NME7: variants seen among roughly 807,000 people sequenced by gnomAD.
NME7 encodes NME/NM23 family member 7.
A neutral mutation model predicts 49.1 loss-of-function variants in NME7; 41 were observed. That is an observed-to-expected ratio of 0.83 (90% CI 0.65 to 1.08). The LOEUF (loss-of-function observed/expected upper bound fraction) is 1.08, where lower values mean the gene tolerates loss of function less well. NME7 is among the 50% of genes least tolerant of loss of function. NME7 has a pLI of 0.00. For synonymous variants in NME7, 139 were observed against 150.6 expected (o/e 0.92, Z 0.56); for missense variants, 423 against 463.4 (o/e 0.91, Z 0.80).
intron 6 of NME7, among the ~76,000 whole-genome samples, chr1:169,288,081 C>T (rs1650348236): frequency 6.6e-6 from 1 of 152,020 alleles, no homozygotes; most frequent in Admixed American, 6.6e-5. Flanking sequence ...CCTATAAAAC[C>T]CTCTGACTCA....
chr1:169,149,347 A>T (rs1332781090), intron 11 of NME7, among the ~76,000 whole-genome samples: 1 of 148,974 alleles, frequency 6.7e-6, no homozygotes, highest in African/African-American at 2.4e-5. Context: ...TCTCAAAAAT[A>T]ATAAAAAAAT....
intron 5 of NME7, among the ~76,000 whole-genome samples, chr1:169,299,007 G>C (rs906131093): frequency 1.3e-5 from 2 of 152,090 alleles, no homozygotes; most frequent in African/African-American, 4.8e-5. Flanking sequence ...AAAAATCACT[G>C]TTCTGTTGAA....
intron 4 of NME7, among the ~76,000 whole-genome samples, chr1:169,303,753 T>TA (rs1651067225): frequency 6.6e-6 from 1 of 152,090 alleles, no homozygotes; most frequent in African/African-American, 2.4e-5. Context: ...CACCTGGCCT[T>TA]ATCCATCTTT....
At chr1:169,310,755 A>G (rs1481670725) in intron 3 of NME7, 2 of 152,232 alleles carry the variant, frequency 1.3e-5, no homozygotes, top group Non-Finnish European at 2.9e-5. Context: ...ACTAATGATG[A>G]AACTAGGCCT....
At chr1:169,322,714 T>C (rs1056114785) in intron 3 of NME7, among the ~76,000 whole-genome samples, 1 of 151,400 alleles carries the variant, frequency 6.6e-6, no homozygotes, top group Admixed American at 6.6e-5. Context: ...AACTTGACAA[T>C]AGGCAGCATT....
chr1:169,235,578 C>T (rs913291212), intron 8 of NME7, among the ~76,000 whole-genome samples: 4 of 152,084 alleles, frequency 2.6e-5, no homozygotes, highest in African/African-American at 7.2e-5. Flanking sequence ...CTACACTACA[C>T]CTCTCTCTGA....
intron 11 of NME7, among the ~76,000 whole-genome samples, chr1:169,154,937 AT>A (rs1173859281): frequency 1.3e-5 from 2 of 151,980 alleles, no homozygotes; most frequent in Non-Finnish European, 2.9e-5. Context: ...TTTTTTCTTT[AT>A]TTTTAAAATA....
Position 169,288,196 on chromosome 1 carries a change from G to A in NME7, c.649-788C>T, listed in dbSNP as rs143218459. Among the ~76,000 whole-genome samples, 947 of 152,198 alleles carry A rather than the reference G, an allele frequency of 6.2e-3. 10 individuals are homozygous for A. The highest frequency in any genetic ancestry group is 0.021 in the African/African-American group (892 of 41,536). Reference sequence around the variant, plus strand: ...TTCCGGCAACCTTTGTTCCCCCAAAGTTATGGTTATTTGGGTACTTATCTT... The same window carrying A: ...TTCCGGCAACCTTTGTTCCCCCAAAATTATGGTTATTTGGGTACTTATCTT... On this transcript the variant is annotated intron_variant, in intron 6 of 11. Coordinates refer to ENST00000367811, the MANE Select transcript of NME7 (RefSeq NM_013330.5).
At chr1:169,275,694 T>C (rs909755381) in intron 7 of NME7, among the ~76,000 whole-genome samples, 7 of 130,612 alleles carry the variant, frequency 5.4e-5, no homozygotes, top group African/African-American at 1.6e-4. Context: ...TCCTGCCTAA[T>C]TGCCCTGGCC....
chr1:169,218,241 C>G (rs1309161442), intron 10 of NME7, among the ~76,000 whole-genome samples: 1 of 152,104 alleles, frequency 6.6e-6, no homozygotes, highest in East Asian at 1.9e-4. Flanking sequence ...CACCTACTTC[C>G]CTCTGTATCC....
chr1:169,230,052 T>C (rs550918616), intron 10 of NME7, among the ~76,000 whole-genome samples: 1 of 152,230 alleles, frequency 6.6e-6, no homozygotes, highest in Admixed American at 6.5e-5. Flanking sequence ...TTATAAATAA[T>C]AGTAAAATAC....
intron 1 of NME7, among the ~76,000 whole-genome samples, chr1:169,352,931 T>C (rs1415231181): frequency 6.6e-6 from 1 of 152,026 alleles, no homozygotes; most frequent in Non-Finnish European, 1.5e-5. Flanking sequence ...AAAGATTCCA[T>C]GTTTATGGAA....
Position 169,218,948 on chromosome 1 carries a change from G to A in NME7, c.990+11770C>T, listed in dbSNP as rs115273105. Reference sequence around the variant, plus strand: ...TAAATACAACTTTTTCTCCTATAAGGGTGAAACTTCTTGCTGAAGATCCAG... The same window carrying A: ...TAAATACAACTTTTTCTCCTATAAGAGTGAAACTTCTTGCTGAAGATCCAG... On this transcript the variant is annotated intron_variant, in intron 10 of 11. Transcript: ENST00000367811. Among the ~76,000 whole-genome samples the A allele has an allele frequency of 6.5e-3, 991 of 152,132 alleles. 9 individuals are homozygous for A. Among genetic ancestry groups the A allele is most frequent in the African/African-American group, 0.022 (913 of 41,514 alleles).
intron 6 of NME7, 38 bp downstream of exon 6, chr1:169,298,518 A>C: frequency 6.3e-7 from 1 of 1,589,202 alleles, no homozygotes; most frequent in Non-Finnish European, 8.6e-7. Context: ...CATTTAACAG[A>C]ACTAGAAGAG....
At chr1:169,355,210 TATTA>T (rs1653399020) in intron 1 of NME7, among the ~76,000 whole-genome samples, 1 of 69,418 alleles carries the variant, frequency 1.4e-5, no homozygotes, top group Non-Finnish European at 2.6e-5. Context: ...ATATAATATA[TATTA>T]TATATTATAG....
At chr1:169,229,507 C>T (rs1647500921) in intron 10 of NME7, among the ~76,000 whole-genome samples, 1 of 152,208 alleles carries the variant, frequency 6.6e-6, no homozygotes, top group Admixed American at 6.5e-5. Flanking sequence ...TCCTTATTTG[C>T]ATGTGGCACT....
intron 4 of NME7, among the ~76,000 whole-genome samples, chr1:169,304,485 T>C (rs1315237759): frequency 6.6e-6 from 1 of 152,168 alleles, no homozygotes; most frequent in African/African-American, 2.4e-5. Flanking sequence ...TAACCAAATG[T>C]ACTTAAACAT....
intron 1 of NME7, among the ~76,000 whole-genome samples, chr1:169,357,152 A>ATTG (rs1310058721): frequency 6.6e-6 from 1 of 152,096 alleles, no homozygotes; most frequent in Non-Finnish European, 1.5e-5. Context: ...TATTATTATT[A>ATTG]TTATTATCCT....
chr1:169,293,043 C>T (rs1176827071), intron 6 of NME7, among the ~76,000 whole-genome samples: 1 of 152,008 alleles, frequency 6.6e-6, no homozygotes, highest in Non-Finnish European at 1.5e-5. Flanking sequence ...TGCCTGTAAT[C>T]CCAGCATTTT....
Sources: allele counts gnomAD v4.1 joint callset (sites outside exome capture counted in the v4.1 genomes callset), GRCh38; gene constraint gnomAD v4.1.1; transcripts MANE v1.5; gene names NCBI Gene and HGNC (gene_info 2026-07-23, HGNC 2026-07-21).